SEPTIN6: variants seen among roughly 807,000 people sequenced by gnomAD.
SEPTIN6 encodes septin 6, also known as septin-6.
Under a neutral mutation model 33.6 loss-of-function variants are expected in SEPTIN6, and 8 were observed. The observed-to-expected ratio is 0.24, with a 90% CI of 0.14 to 0.43. The LOEUF is 0.43. Among genes scored for constraint, SEPTIN6 ranks in the 20% least tolerant of loss-of-function variants. The probability of loss-of-function intolerance (pLI) is 1.00; values close to 1 mark genes in which losing one functional copy is unlikely to be tolerated. For synonymous variants in SEPTIN6, 131 were observed against 140.0 expected (o/e 0.94, Z 0.45); for missense variants, 250 against 340.8 (o/e 0.73, Z 2.10).
chrX:119,630,052 G>A (rs1369615531), intron 8 of SEPTIN6, among the ~76,000 whole-genome samples: 7 of 111,862 alleles, frequency 6.3e-5, no homozygotes, highest in Non-Finnish European at 9.4e-5. Context: ...CCCAGGAGGC[G>A]GAGGTTGCAG....
chrX:119,683,082 G>A lies in SEPTIN6; in HGVS notation c.31-7414C>T, dbSNP rs148633597. ...AGCCTGGCCAACACTGGGAAAACCC[G>A]TCTCTACTGAAAATACAAAAATTAG... is the stretch of plus-strand genomic sequence containing the variant. On this transcript the variant is annotated intron_variant, in intron 1 of 10. Transcript: ENST00000394610. 5.7e-3 allele frequency among the ~76,000 whole-genome samples: 631 copies of A among 111,402 alleles called. 9 individuals are homozygous for A. The highest frequency in any genetic ancestry group is 0.019 in the African/African-American group (594 of 30,616).
chrX:119,677,594 C>T (rs2054861977), intron 1 of SEPTIN6, among the ~76,000 whole-genome samples: 1 of 112,755 alleles, frequency 8.9e-6, no homozygotes, highest in South Asian at 3.6e-4. Flanking sequence ...ACTAAGCAGG[C>T]AGCTCTTCTG....
At chrX:119,690,350 C>T (rs201081314) in intron 1 of SEPTIN6, among the ~76,000 whole-genome samples, 492 of 31,574 alleles carry the variant, frequency 0.016, 1 homozygote, top group African/African-American at 0.081. Flanking sequence ...CATACACATA[C>T]ACACACACAC....
intron 3 of SEPTIN6, among the ~76,000 whole-genome samples, 178 bp from the exon 4 acceptor site, chrX:119,653,218 A>G (rs960101322): frequency 9.0e-6 from 1 of 110,854 alleles, no homozygotes; most frequent in Non-Finnish European, 1.9e-5. Flanking sequence ...CTTGGTCCCT[A>G]CATGAGCCAA....
intron 1 of SEPTIN6, among the ~76,000 whole-genome samples, chrX:119,685,427 C>T (rs1481065294): frequency 1.8e-5 from 2 of 111,093 alleles, no homozygotes; most frequent in African/African-American, 6.6e-5. Context: ...CGGAAGCAGA[C>T]GCAGGCAAGG....
At chrX:119,688,710 G>GAAAAAAAAAAAAAAAACAAAAAAAAAA (rs150477050) in intron 1 of SEPTIN6, among the ~76,000 whole-genome samples, 1 of 78,785 alleles carries the variant, frequency 1.3e-5, no homozygotes, top group Non-Finnish European at 2.5e-5. Context: ...CCATCTCGGG[G>GAAAAAAAAAAAAAAAACAAAAAAAAAA]AAAAAAAAAA....
chrX:119,658,209 T>C (rs762750528), intron 3 of SEPTIN6, among the ~76,000 whole-genome samples: 4 of 112,419 alleles, frequency 3.6e-5, no homozygotes, highest in Non-Finnish European at 7.5e-5. Flanking sequence ...TCCAGACCTT[T>C]TTCTATGCAT....
At position 119,661,896 on chromosome X, in the gene SEPTIN6, C is replaced by A. The variant is rs765028594; in HGVS notation, c.341+1586G>T. 2.7e-5 allele frequency among the ~76,000 whole-genome samples: 3 copies of A among 112,256 alleles called. No homozygotes were observed. In the South Asian group the frequency reaches 1.1e-3, roughly 42 times the overall value. On this transcript the variant is annotated intron_variant, in intron 3 of 10. Coordinates refer to ENST00000394610, the MANE Select transcript of SEPTIN6 (RefSeq NM_145799.4). ...GGAATTACAGGCACCCGCCATCACA[C>A]CCGCCTAATTTTTGTATTTTTAGTA... is the stretch of plus-strand genomic sequence containing the variant.
intron 8 of SEPTIN6, among the ~76,000 whole-genome samples, chrX:119,633,082 T>C (rs1341990870): frequency 2.7e-5 from 3 of 112,655 alleles, no homozygotes; most frequent in Non-Finnish European, 3.8e-5. Flanking sequence ...CAATCTATCA[T>C]TGATGGGCAT....
intron 1 of SEPTIN6, among the ~76,000 whole-genome samples, chrX:119,680,527 C>A (rs1400412945): frequency 1.8e-5 from 2 of 109,137 alleles, no homozygotes; most frequent in East Asian, 5.8e-4. Context: ...CTTTTAGAAT[C>A]CTTATTTCTT....
chrX:119,623,821 AGAGT>A (rs2053809767), intron 10 of SEPTIN6, among the ~76,000 whole-genome samples: 1 of 112,240 alleles, frequency 8.9e-6, no homozygotes, highest in Non-Finnish European at 1.9e-5. Context: ...CCTCGGTGAC[AGAGT>A]GAGACTCCGT....
intron 1 of SEPTIN6, among the ~76,000 whole-genome samples, chrX:119,677,321 CA>C (rs2054857677): frequency 8.9e-6 from 1 of 111,997 alleles, no homozygotes; most frequent in Non-Finnish European, 1.9e-5. Context: ...TCCAAGGAGC[CA>C]GGGGGAAGCA....
chrX:119,669,941 T>C (rs2054712447), intron 2 of SEPTIN6, among the ~76,000 whole-genome samples: 1 of 111,605 alleles, frequency 9.0e-6, no homozygotes, highest in Non-Finnish European at 1.9e-5. Flanking sequence ...AAGTAAATAT[T>C]ATCATTATGA....
chrX:119,640,797 G>A lies in SEPTIN6; in HGVS notation c.691-9C>T, dbSNP rs1027231166. On this transcript the variant is annotated splice_polypyrimidine_tract_variant and intron_variant, in intron 5 of 10. Transcript: ENST00000394610. ...GCAAACGGCAGGTGGGCCTGAAACCGAAGGCAAACGAAAGCTGAGAACTGC... is the reference window on the plus strand; with the variant it reads ...GCAAACGGCAGGTGGGCCTGAAACCAAAGGCAAACGAAAGCTGAGAACTGC... 2.1e-5 allele frequency: 25 copies of A among 1,185,193 alleles called. No individual in the cohort carries two copies. Among genetic ancestry groups the A allele is most frequent in the Middle Eastern group, 2.4e-4 (1 of 4,253 alleles).
chrX:119,640,266 G>A (rs1169470632), intron 6 of SEPTIN6, among the ~76,000 whole-genome samples: 1 of 98,634 alleles, frequency 1.0e-5, no homozygotes, highest in African/African-American at 3.8e-5. Context: ...TGATCCGCCC[G>A]CCTCGGCCTC....
At position 119,617,722 on chromosome X, in the gene SEPTIN6, C is replaced by CA; in HGVS notation, c.*2370_*2371insT. ...GGAGGCATGAAAATTAGTCTGGCTT[C>CA]TGCCTCGAAACAGAAGTGGGACCTC... On this transcript the variant is annotated 3_prime_UTR_variant, in exon 11 of 11. Coordinates refer to ENST00000394610, the MANE Select transcript of SEPTIN6 (RefSeq NM_145799.4). 1.3e-6 allele frequency: 1 copy of CA among 785,651 alleles called. No individual in the cohort carries two copies. The highest frequency in any genetic ancestry group is 1.5e-6 in the Non-Finnish European group (1 of 651,651). 64.7% of individuals were successfully genotyped at this position (785,651 alleles called of 1,213,427 possible). A position where few individuals can be genotyped will look rare whatever the true frequency, so the allele number is the denominator to read the frequency against.
At chrX:119,643,989 G>C (rs1018397130) in intron 5 of SEPTIN6, among the ~76,000 whole-genome samples, 2 of 111,588 alleles carry the variant, frequency 1.8e-5, no homozygotes, top group Non-Finnish European at 3.8e-5. Context: ...GCAGAGCAGA[G>C]AGCAGATACC....
intron 3 of SEPTIN6, among the ~76,000 whole-genome samples, chrX:119,658,843 C>G (rs1603342522): frequency 1.8e-5 from 2 of 112,323 alleles, no homozygotes; most frequent in Admixed American, 1.9e-4. Context: ...GTTTATTTCT[C>G]ATTGAATTGT....
chrX:119,636,197 G>A (rs2054058324), intron 7 of SEPTIN6, among the ~76,000 whole-genome samples: 1 of 111,797 alleles, frequency 8.9e-6, no homozygotes, highest in South Asian at 3.7e-4. Flanking sequence ...CTGTGCACAG[G>A]TAGAGTAAGA....
Sources: allele counts gnomAD v4.1 joint callset (sites outside exome capture counted in the v4.1 genomes callset), GRCh38; gene constraint gnomAD v4.1.1; transcripts MANE v1.5; gene names NCBI Gene and HGNC (gene_info 2026-07-23, HGNC 2026-07-21).